TACR1: variants seen among roughly 807,000 people sequenced by gnomAD.
The protein encoded by TACR1 is substance-P receptor.
In TACR1, 25 loss-of-function variants were observed where a neutral mutation model predicts 35.8. The ratio of observed to expected loss-of-function variants is 0.70; its 90% CI spans 0.51 to 0.98. TACR1 has a LOEUF of 0.98. Among genes scored for constraint, TACR1 ranks in the 50% least tolerant of loss-of-function variants. The pLI is 0.00. For missense variants in TACR1, 478 were observed against 522.9 expected (o/e 0.91, Z 0.84); for synonymous variants, 195 against 206.7 (o/e 0.94, Z 0.48).
chr2:75,138,151 C>CA (rs1253002667), intron 1 of TACR1, among the ~76,000 whole-genome samples: 3 of 152,214 alleles, frequency 2.0e-5, no homozygotes, highest in Admixed American at 2.0e-4. Context: ...ATGGGACCCC[C>CA]ACCCATCAGT....
In TACR1 at chr2:75,149,194, G is replaced by A. The variant is rs146674590; in HGVS notation, c.390-28426C>T. 2.6e-3 allele frequency among the ~76,000 whole-genome samples: 397 copies of A among 152,034 alleles called. 1 individual carries two copies. Among genetic ancestry groups the A allele is most frequent in the African/African-American group, 9.1e-3 (379 of 41,504 alleles). On this transcript the variant is annotated intron_variant, in intron 1 of 4. Transcript: ENST00000305249. Reference sequence around the variant, plus strand: ...TTGTAGTATAGTTTGAAGTCAGGTAGCATGATGCCTCCAGCCCTTAGCTAT... The same window carrying A: ...TTGTAGTATAGTTTGAAGTCAGGTAACATGATGCCTCCAGCCCTTAGCTAT...
intron 2 of TACR1, among the ~76,000 whole-genome samples, chr2:75,103,249 A>T (rs542338174): frequency 1.7e-4 from 26 of 152,274 alleles, no homozygotes; most frequent in Middle Eastern, 3.4e-3. Context: ...TGATTGTAGA[A>T]CTGGGGCAGG....
intron 2 of TACR1, among the ~76,000 whole-genome samples, chr2:75,116,036 G>A (rs1202914568): frequency 1.3e-5 from 2 of 151,880 alleles, no homozygotes; most frequent in Non-Finnish European, 2.9e-5. Context: ...GTTATAAAGA[G>A]GGAAACAATC....
chr2:75,085,558 T>C (rs1673174102), intron 2 of TACR1, among the ~76,000 whole-genome samples: 1 of 152,204 alleles, frequency 6.6e-6, no homozygotes, highest in South Asian at 2.1e-4. Flanking sequence ...GAAAGTTAAT[T>C]CTTACTGAAA....
chr2:75,182,888 G>C (rs764312529), intron 1 of TACR1, among the ~76,000 whole-genome samples: 17 of 152,156 alleles, frequency 1.1e-4, no homozygotes, highest in South Asian at 4.1e-4. Flanking sequence ...TACTCTCATA[G>C]CATTAATGTT....
In TACR1 at chr2:75,157,466, C is replaced by A. The variant is rs188362378; in HGVS notation, c.390-36698G>T. Among the ~76,000 whole-genome samples the A allele has an allele frequency of 2.2e-3, 332 of 152,266 alleles. 3 individuals carry two copies. Among genetic ancestry groups the A allele is most frequent in the African/African-American group, 7.7e-3 (322 of 41,550 alleles). On this transcript the variant is annotated intron_variant, in intron 1 of 4. Transcript: ENST00000305249. ...TTTGACATAGGAAAATCAGAGCTTG[C>A]ATTGTTAAGAGTTAAGAAGGGGGAT...
chr2:75,177,090 C>T (rs910349852), intron 1 of TACR1, among the ~76,000 whole-genome samples: 6 of 152,008 alleles, frequency 3.9e-5, no homozygotes, highest in African/African-American at 4.8e-5. Context: ...ACCACAGAGC[C>T]GGCACCAGGA....
chr2:75,148,801 C>T (rs1674603429), intron 1 of TACR1, among the ~76,000 whole-genome samples: 1 of 152,122 alleles, frequency 6.6e-6, no homozygotes, highest in Non-Finnish European at 1.5e-5. Context: ...TTGCCCATGC[C>T]TATGTCCTGA....
intron 2 of TACR1, among the ~76,000 whole-genome samples, chr2:75,095,113 G>C (rs1044136910): frequency 6.6e-6 from 1 of 151,882 alleles, no homozygotes; most frequent in Non-Finnish European, 1.5e-5. Context: ...TCTTCCATAG[G>C]GTCTGTTCCT....
chr2:75,077,541 C>T (rs1314190612), intron 2 of TACR1, among the ~76,000 whole-genome samples: 1 of 152,216 alleles, frequency 6.6e-6, no homozygotes, highest in Non-Finnish European at 1.5e-5. Flanking sequence ...CAACACAATA[C>T]ACAAACATCC....
intron 2 of TACR1, among the ~76,000 whole-genome samples, chr2:75,075,363 C>A (rs1672958417): frequency 6.6e-6 from 1 of 152,196 alleles, no homozygotes; most frequent in Non-Finnish European, 1.5e-5. Flanking sequence ...AATTATCTTA[C>A]AAAGTTGAAC....
At position 75,053,104 on chromosome 2, in the gene TACR1, C is replaced by G. The variant is rs115097916; in HGVS notation, c.735+501G>C. Among the ~76,000 whole-genome samples, 500 of 152,140 alleles carry G rather than the reference C, an allele frequency of 3.3e-3. 1 individual carries two copies. The highest frequency in any genetic ancestry group is 0.011 in the African/African-American group (470 of 41,502). The stretch of plus-strand genomic sequence containing the variant: ...ATTTCATCACAGGTATAGATGAAAA[C>G]ACCACCACAGTCAGGATACAGAGCT... On this transcript the variant is annotated intron_variant, in intron 3 of 4. Coordinates refer to ENST00000305249, the MANE Select transcript of TACR1 (RefSeq NM_001058.4).
In TACR1 at chr2:75,093,964, C is replaced by G. The variant is rs536462771; in HGVS notation, c.584+26610G>C. On this transcript the variant is annotated intron_variant, in intron 2 of 4. Coordinates refer to ENST00000305249, the MANE Select transcript of TACR1 (RefSeq NM_001058.4). ...CAGAGAAGCACAGATGTACTCAGGT[C>G]ACACAGCATGTTAGAGGCAAAGCCA... Among the ~76,000 whole-genome samples the G allele has an allele frequency of 2.0e-5, 3 of 152,188 alleles. No individual in the cohort carries two copies. The East Asian group carries it at 5.8e-4, about 29-fold the overall frequency.
intron 1 of TACR1, among the ~76,000 whole-genome samples, chr2:75,133,069 T>C (rs892303978): frequency 6.6e-6 from 1 of 152,186 alleles, no homozygotes; most frequent in African/African-American, 2.4e-5. Flanking sequence ...GGTCCTAGGC[T>C]TTGTTTCTTG....
chr2:75,148,332 A>G (rs542980905), intron 1 of TACR1, among the ~76,000 whole-genome samples: 2 of 152,302 alleles, frequency 1.3e-5, no homozygotes, highest in Admixed American at 6.5e-5. Flanking sequence ...TTACATTCCC[A>G]CCAACAATGT....
intron 1 of TACR1, among the ~76,000 whole-genome samples, chr2:75,193,135 T>G (rs1675891005): frequency 6.6e-6 from 1 of 152,152 alleles, no homozygotes; most frequent in Admixed American, 6.5e-5. Context: ...CCAGGAAGTC[T>G]TTCCCATATT....
chr2:75,170,931 T>C (rs1306418359), intron 1 of TACR1, among the ~76,000 whole-genome samples: 1 of 152,182 alleles, frequency 6.6e-6, no homozygotes, highest in African/African-American at 2.4e-5. Context: ...AACTTATGTT[T>C]AAAAGAGAAG....
chr2:75,130,479 C>G (rs909235541), intron 1 of TACR1, among the ~76,000 whole-genome samples: 1 of 152,210 alleles, frequency 6.6e-6, no homozygotes, highest in Non-Finnish European at 1.5e-5. Flanking sequence ...TTTGGGCACC[C>G]TTGCTACAGT....
rs755621824 is a variant in TACR1, at chr2:75,049,694, C to T, written c.962G>A (p.Arg321Gln). ...GCCGGCGCTGATGAAGGGGCAGCACCGGAAGGCATGCTTGAAGCCCAGACG... is the reference window on the plus strand; with the variant it reads ...GCCGGCGCTGATGAAGGGGCAGCACTGGAAGGCATGCTTGAAGCCCAGACG... Reference protein sequence around the residue: ...RFRLGFKHAFRCCPFISAGDY... With the variant: ...RFRLGFKHAFQCCPFISAGDY... The change falls in exon 5 of 5, where the codon CGG (arginine) becomes CAG (glutamine). Residue 321 changes from arginine to glutamine, a missense_variant. Physicochemically the swap from Arg to Gln is conservative, Grantham distance 43. Coordinates refer to ENST00000305249, the MANE Select transcript of TACR1 (RefSeq NM_001058.4). 37 of 1,613,738 alleles carry T rather than the reference C, an allele frequency of 2.3e-5. No individual in the cohort carries two copies. Among genetic ancestry groups the T allele is most frequent in the African/African-American group, 6.7e-5 (5 of 74,884 alleles).
Sources: allele counts gnomAD v4.1 joint callset (sites outside exome capture counted in the v4.1 genomes callset), GRCh38; gene constraint gnomAD v4.1.1; transcripts MANE v1.5; gene names NCBI Gene and HGNC (gene_info 2026-07-23, HGNC 2026-07-21).